Variants in LRRTM4 observed in about 807,000 individuals in gnomAD.
LRRTM4 encodes leucine rich repeat transmembrane neuronal 4.
A neutral mutation model predicts 47.6 loss-of-function variants in LRRTM4; 25 were observed. The observed-to-expected ratio is 0.53, with a 90% CI of 0.38 to 0.73. The LOEUF is 0.73. Ranked by LOEUF, LRRTM4 falls within the 30% of genes least tolerant of loss-of-function variation. The pLI, the probability that LRRTM4 is intolerant of heterozygous loss-of-function variation, is 0.00. For missense variants in LRRTM4, 638 were observed against 713.4 expected, an observed-to-expected ratio of 0.89 and a Z score of 1.20; for synonymous variants, 311 against 269.5, an observed-to-expected ratio of 1.15 and a Z score of -1.51.
At chr2:77,334,338 G>GT (rs1431384005) in intron 3 of LRRTM4, among the ~76,000 whole-genome samples, 1 of 152,108 alleles carries the variant, frequency 6.6e-6, no homozygotes, top group African/African-American at 2.4e-5. Flanking sequence ...ATATGGTTCA[G>GT]TTTTGTCCCC....
Position 77,068,903 on chromosome 2 carries a change from C to T in LRRTM4, c.1552-319987G>A, listed in dbSNP as rs75460076. 3.3e-5 allele frequency among the ~76,000 whole-genome samples: 5 copies of T among 152,202 alleles called. No individual in the cohort carries two copies. In the East Asian group the frequency reaches 7.7e-4, roughly 23 times the overall value. ...ACCTGGACCTCCCAGGGGTGAAAACCGCTTAAAGGCATTCTTAAACCACAA... is the reference window on the plus strand; with the variant it reads ...ACCTGGACCTCCCAGGGGTGAAAACTGCTTAAAGGCATTCTTAAACCACAA... On this transcript the variant is annotated intron_variant, in intron 3 of 3. Coordinates refer to ENST00000409884, the MANE Select transcript of LRRTM4 (RefSeq NM_001134745.3).
intron 3 of LRRTM4, among the ~76,000 whole-genome samples, chr2:77,476,054 T>A (rs1240862227): frequency 6.6e-6 from 1 of 152,038 alleles, no homozygotes; most frequent in Non-Finnish European, 1.5e-5. Flanking sequence ...TATTTCCCTA[T>A]TGATTAATAC....
Position 77,234,727 on chromosome 2 carries a change from C to G in LRRTM4, c.1551+283591G>C, listed in dbSNP as rs554875103. On this transcript the variant is annotated intron_variant, in intron 3 of 3. Transcript: ENST00000409884. ...AATTAAGAATCTCTGGTGGATGGGA[C>G]TTGGACATCAATATTTTATTAGTTT... Among the ~76,000 whole-genome samples the G allele has an allele frequency of 1.3e-4, 20 of 152,152 alleles. No homozygotes were observed. In the South Asian group the frequency reaches 3.3e-3, roughly 25 times the overall value.
intron 3 of LRRTM4, among the ~76,000 whole-genome samples, chr2:77,440,854 T>G (rs1008834835): frequency 1.3e-5 from 2 of 152,230 alleles, no homozygotes; most frequent in South Asian, 4.1e-4. Context: ...TAAATTTGAT[T>G]TTGCAGGAAT....
intron 3 of LRRTM4, among the ~76,000 whole-genome samples, chr2:77,314,676 A>C (rs11126602): frequency 0.26 from 39,202 of 152,044 alleles, 5,513 homozygotes; most frequent in East Asian, 0.47. Flanking sequence ...ACCCTTAGGG[A>C]TCTTTAGAGG....
At chr2:77,051,297 C>T (rs1485294375) in intron 3 of LRRTM4, among the ~76,000 whole-genome samples, 1 of 151,934 alleles carries the variant, frequency 6.6e-6, no homozygotes, top group African/African-American at 2.4e-5. Context: ...CCATGAGAAA[C>T]TAAAGAATTA....
At chr2:76,807,695 G>C (rs1670569864) in intron 3 of LRRTM4, among the ~76,000 whole-genome samples, 1 of 151,352 alleles carries the variant, frequency 6.6e-6, no homozygotes, top group Non-Finnish European at 1.5e-5. Context: ...AGGTTCAAGA[G>C]ATTCTTCTGC....
intron 3 of LRRTM4, among the ~76,000 whole-genome samples, chr2:76,752,200 C>T (rs933164188): frequency 2.6e-5 from 4 of 152,080 alleles, no homozygotes; most frequent in African/African-American, 9.7e-5. Flanking sequence ...CCAGGTGAAT[C>T]TACAGATGAA....
At chr2:76,770,937 C>G (rs1055641048) in intron 3 of LRRTM4, among the ~76,000 whole-genome samples, 5 of 152,166 alleles carry the variant, frequency 3.3e-5, no homozygotes, top group African/African-American at 1.2e-4. Flanking sequence ...CCTCAAAAAA[C>G]AGAATGCTAC....
intron 3 of LRRTM4, among the ~76,000 whole-genome samples, chr2:76,996,214 A>C (rs1677198530): frequency 6.6e-6 from 1 of 152,088 alleles, no homozygotes; most frequent in Admixed American, 6.6e-5. Context: ...AACAGAGAAA[A>C]TTATTGAACT....
At chr2:77,201,019 C>T (rs1673959504) in intron 3 of LRRTM4, among the ~76,000 whole-genome samples, 1 of 152,050 alleles carries the variant, frequency 6.6e-6, no homozygotes, top group Non-Finnish European at 1.5e-5. Flanking sequence ...GTACGTAAGC[C>T]AGTTATGGTG....
intron 3 of LRRTM4, among the ~76,000 whole-genome samples, chr2:76,900,906 T>C (rs1475981262): frequency 6.6e-6 from 1 of 152,198 alleles, no homozygotes; most frequent in African/African-American, 2.4e-5. Flanking sequence ...TACCAAAATT[T>C]AGAATTTTGA....
At position 77,315,504 on chromosome 2, in the gene LRRTM4, T is replaced by C. The variant is rs189456835; in HGVS notation, c.1551+202814A>G. ...AAATTTACTAAATTGTAAAGTAAAATACAGCTTTTAAAAATTATTTGTAAT... is the reference window on the plus strand; with the variant it reads ...AAATTTACTAAATTGTAAAGTAAAACACAGCTTTTAAAAATTATTTGTAAT... On this transcript the variant is annotated intron_variant, in intron 3 of 3. Coordinates refer to ENST00000409884, the MANE Select transcript of LRRTM4 (RefSeq NM_001134745.3). Among the ~76,000 whole-genome samples, 55 of 152,278 alleles carry C rather than the reference T, an allele frequency of 3.6e-4. No individual in the cohort carries two copies. The East Asian group carries it at 7.5e-3, about 21-fold the overall frequency.
At chr2:76,841,658 C>A (rs1402057414) in intron 3 of LRRTM4, among the ~76,000 whole-genome samples, 7 of 144,158 alleles carry the variant, frequency 4.9e-5, no homozygotes, top group African/African-American at 1.3e-4. Flanking sequence ...AATTTGGTAA[C>A]CTGGAGAAAA....
chr2:76,755,883 G>GA (rs1337026258), intron 3 of LRRTM4, among the ~76,000 whole-genome samples: 4 of 152,016 alleles, frequency 2.6e-5, no homozygotes, highest in Non-Finnish European at 4.4e-5. Context: ...AGGGGACCTA[G>GA]AAAAAAACTG....
At chr2:77,048,958 T>C (rs543881304) in intron 3 of LRRTM4, among the ~76,000 whole-genome samples, 1 of 151,558 alleles carries the variant, frequency 6.6e-6, no homozygotes, top group South Asian at 2.1e-4. Flanking sequence ...ACCACCACTC[T>C]ACTCTCTATT....
intron 3 of LRRTM4, among the ~76,000 whole-genome samples, chr2:76,960,937 A>G (rs751232493): frequency 6.6e-6 from 1 of 151,514 alleles, no homozygotes. Context: ...CTGTGCTACC[A>G]ATGTGTGGAT....
chr2:77,079,107 TG>T (rs1333491459), intron 3 of LRRTM4, among the ~76,000 whole-genome samples: 1 of 152,208 alleles, frequency 6.6e-6, no homozygotes, highest in Non-Finnish European at 1.5e-5. Context: ...ATATGAATTT[TG>T]GGGGATACAA....
At chr2:77,383,207 A>T (rs1183655367) in intron 3 of LRRTM4, among the ~76,000 whole-genome samples, 1 of 152,116 alleles carries the variant, frequency 6.6e-6, no homozygotes, top group African/African-American at 2.4e-5. Flanking sequence ...TTTTATGCTT[A>T]GGATAATTCA....
Sources: allele counts gnomAD v4.1 joint callset (sites outside exome capture counted in the v4.1 genomes callset), GRCh38; gene constraint gnomAD v4.1.1; transcripts MANE v1.5; gene names NCBI Gene and HGNC (gene_info 2026-07-23, HGNC 2026-07-21).